The following RYR1 variants were observed in gnomAD, a reference collection of about 807,000 sequenced individuals.
RYR1 encodes the protein central core disease of muscle.
Under a neutral mutation model 583.5 loss-of-function variants are expected in RYR1, and 342 were observed. The ratio of observed to expected loss-of-function variants is 0.59; its 90% CI spans 0.54 to 0.64. The LOEUF (loss-of-function observed/expected upper bound fraction) is 0.64. Among genes scored for constraint, RYR1 ranks in the 30% least tolerant of loss-of-function variants. The probability of loss-of-function intolerance (pLI) is 0.00; values close to 1 mark genes in which losing one functional copy is unlikely to be tolerated. For missense variants in RYR1, 6,032 were observed against 6,917.2 expected (o/e 0.87, Z 4.54); for synonymous variants, 2,791 against 2,822.5 (o/e 0.99, Z 0.35).
intron 34 of RYR1, among the ~76,000 whole-genome samples, chr19:38,486,457 C>T (rs1192695428): frequency 2.0e-5 from 3 of 152,322 alleles, no homozygotes; most frequent in South Asian, 4.1e-4. Flanking sequence ...AATTCTCCTG[C>T]CTCAGCCCCC....
chr19:38,448,981 T>C (rs1405167338), intron 11 of RYR1, among the ~76,000 whole-genome samples, 168 bp downstream of exon 11: 1 of 149,746 alleles, frequency 6.7e-6, no homozygotes, highest in Non-Finnish European at 1.5e-5. Flanking sequence ...ACCTTGGGAG[T>C]TTGAGGATGA....
At chr19:38,455,956 A>G (rs922028894) in intron 16 of RYR1, among the ~76,000 whole-genome samples, 2 of 143,566 alleles carry the variant, frequency 1.4e-5, no homozygotes, top group Non-Finnish European at 3.0e-5. Context: ...GCTTGGTTAG[A>G]TCTCTGAAAT....
intron 31 of RYR1, among the ~76,000 whole-genome samples, chr19:38,481,130 T>G (rs571566446): frequency 2.6e-5 from 4 of 152,262 alleles, no homozygotes; most frequent in East Asian, 3.9e-4. Context: ...ATTTATTTAT[T>G]TATTTTAATT....
At position 38,584,713 on chromosome 19, in the gene RYR1, G is replaced by A. The variant is rs112366639; in HGVS notation, c.14647-230G>A. 5.4e-5 allele frequency among the ~76,000 whole-genome samples: 7 copies of A among 129,462 alleles called. 1 individual carries two copies. The highest frequency in any genetic ancestry group is 1.8e-4 in the African/African-American group (6 of 33,248). 84.9% of individuals were successfully genotyped at this position (129,462 alleles called of 152,430 possible). A position where few individuals can be genotyped will look rare whatever the true frequency, so the allele number is the denominator to read the frequency against. ...TCCTGGCCCTGACCCCTCTGCCTGC[G>A]CCCCACACCCAACCTGGCCCTCACC... On this transcript the variant is annotated intron_variant, in intron 101 of 105. Transcript: ENST00000359596.
At chr19:38,454,463 A>G (rs1467084914) in intron 13 of RYR1, among the ~76,000 whole-genome samples, 1 of 152,224 alleles carries the variant, frequency 6.6e-6, no homozygotes, top group Non-Finnish European at 1.5e-5. Flanking sequence ...TATGTGTTAG[A>G]TAAGCTTAAT....
At position 38,505,520 on chromosome 19, in the gene RYR1, C is replaced by T; in HGVS notation, c.8400+122C>T. The T allele has an allele frequency of 7.4e-6, 6 of 811,464 alleles. No homozygotes were observed. In the South Asian group the frequency reaches 7.5e-5, roughly 10 times the overall value. The allele number at this position is 811,464 out of a possible 1,614,324, so 50.3% of individuals were successfully genotyped here. On this transcript the variant is annotated intron_variant, in intron 53 of 105. Transcript: ENST00000359596. ...AGGTGGATCTGTGGGTTAGGTCTCC[C>T]CATTCATGGACTTTGCCTTCTCTCA...
rs944826130 is a variant in RYR1 at position 38,467,699 on chromosome 19, G to A, written c.3268G>A (p.Glu1090Lys). 3 of 1,614,094 alleles carry A rather than the reference G, an allele frequency of 1.9e-6. No individual in the cohort carries two copies. Among genetic ancestry groups the A allele is most frequent in the East Asian group, 2.2e-5 (1 of 44,906 alleles). ...YTVQSGRWYF[E>K]FEAVTTGEMR... is the part of the protein sequence containing the mutation. ...AGTGCAGAGCGGCCGCTGGTACTTC[G>A]AGTTTGAAGCAGTCACCACAGGCGA... Residue 1090 changes from glutamate (E) to lysine (K), a missense_variant, in exon 25 of 106, where the codon GAG becomes AAG. By Grantham distance (56) the Glu-to-Lys change is moderately conservative. This residue lies in a region of RYR1 where 2,627 missense variants were observed against 2,961.3 expected (regional missense o/e 0.89). Transcript: ENST00000359596.
intron 88 of RYR1, 64 bp from the exon 89 acceptor site, chr19:38,548,169 G>A (rs920284733): frequency 3.2e-6 from 5 of 1,585,600 alleles, no homozygotes; most frequent in Non-Finnish European, 4.3e-6. Flanking sequence ...GGAAAGAGAG[G>A]CAAGCCTGGT....
In RYR1 at chr19:38,513,498, A is replaced by G. The variant is rs578192097; in HGVS notation, c.9472+1015A>G. Among the ~76,000 whole-genome samples, 58 of 152,304 alleles carry G rather than the reference A, an allele frequency of 3.8e-4. 1 individual carries two copies. Among genetic ancestry groups the G allele is most frequent in the Admixed American group, 3.4e-3 (52 of 15,304 alleles). On this transcript the variant is annotated intron_variant, in intron 63 of 105. Transcript: ENST00000359596. ...CCATCTTAAAAAAAAGAAGAAAAGAAAAGTAGCACCTGGATAGGGTTCTTC... is the reference window on the plus strand; with the variant it reads ...CCATCTTAAAAAAAAGAAGAAAAGAGAAGTAGCACCTGGATAGGGTTCTTC...
intron 97 of RYR1, among the ~76,000 whole-genome samples, chr19:38,577,073 A>C (rs1973988800): frequency 1.3e-5 from 2 of 151,904 alleles, no homozygotes; most frequent in Admixed American, 1.3e-4. Flanking sequence ...TTTAGTAGAG[A>C]CGGGGTTTCG....
chr19:38,451,489 T>G (rs771613796), intron 11 of RYR1, among the ~76,000 whole-genome samples: 1 of 149,980 alleles, frequency 6.7e-6, no homozygotes, highest in Non-Finnish European at 1.5e-5. Flanking sequence ...GATAGAGAGA[T>G]AGAGAGGGAG....
chr19:38,502,970 G>A lies in RYR1; in HGVS notation c.7926G>A (p.Lys2642=). The change falls in exon 49 of 106, where the codon AAG becomes AAA. Residue 2642 remains lysine, a splice_region_variant and synonymous_variant. Transcript: ENST00000359596. The part of the protein sequence containing the change: ...ILNEFAKMPL[K]LLTNHYERCW... ...ACGAGTTCGCCAAGATGCCACTCAA[G>A]GTGAGGGCAAGCGCTCTTTAGCATC... The A allele has an allele frequency of 6.2e-7, 1 of 1,608,412 alleles. No homozygotes were observed. The highest frequency in any genetic ancestry group is 1.7e-4 in the Middle Eastern group (1 of 6,060).
chr19:38,525,679 A>G (rs958657249), intron 71 of RYR1, among the ~76,000 whole-genome samples, 177 bp downstream of exon 71: 3 of 151,760 alleles, frequency 2.0e-5, no homozygotes, highest in Admixed American at 1.3e-4. Context: ...TGCCCCTGGG[A>G]TGCCCTGAGG....
At chr19:38,510,163 A>G (rs756131142) in intron 58 of RYR1, among the ~76,000 whole-genome samples, 1 of 152,154 alleles carries the variant, frequency 6.6e-6, no homozygotes, top group Non-Finnish European at 1.5e-5. Context: ...TGTACTAAAA[A>G]TACAAAAATT....
At chr19:38,474,268 T>A (rs1968594070) in intron 28 of RYR1, among the ~76,000 whole-genome samples, 3 of 151,832 alleles carry the variant, frequency 2.0e-5, no homozygotes, top group South Asian at 2.1e-4. Flanking sequence ...CTTTTTTTCT[T>A]TCTATCTTTT....
At position 38,540,384 on chromosome 19, in the gene RYR1, A is replaced by G. The variant is rs1600977825; in HGVS notation, c.11689+2424A>G. 2.1e-5 allele frequency among the ~76,000 whole-genome samples: 3 copies of G among 144,674 alleles called. 1 individual carries two copies. In the Admixed American group the frequency reaches 2.1e-4, roughly 10 times the overall value. The allele number at this position is 144,674 out of a possible 152,430, so 94.9% of individuals were successfully genotyped here. A position where few individuals can be genotyped will look rare whatever the true frequency, so the allele number is the denominator to read the frequency against. ...TATACTACAGTATAATAAACCTCCA[A>G]TCATATACTACAGTATAATAAACCT... On this transcript the variant is annotated intron_variant, in intron 84 of 105. Coordinates refer to ENST00000359596, the MANE Select transcript of RYR1 (RefSeq NM_000540.3).
chr19:38,543,545 A>G lies in RYR1; in HGVS notation c.11792A>G (p.Asp3931Gly). ...CGCCCCCACCAGGAATCCATCAGCG[A>G]CTTCTACTGGTACTACTCGGGCAAG... Reference protein sequence around the residue: ...YLLRLQESISDFYWYYSGKDV... With the variant: ...YLLRLQESISGFYWYYSGKDV... The change falls in exon 86 of 106, where the codon GAC becomes GGC. Residue 3931 changes from aspartate (D) to glycine (G), a missense_variant. By Grantham distance (94) the Asp-to-Gly change is moderately conservative (BLOSUM62 -1). This residue lies in a region of RYR1 where 1,493 missense variants were observed against 1,715.5 expected (regional missense o/e 0.87). Coordinates refer to ENST00000359596, the MANE Select transcript of RYR1 (RefSeq NM_000540.3). The surrounding 1 kb of genome is among the most constrained non-coding windows in gnomAD (Gnocchi z 4.4). The G allele has an allele frequency of 6.2e-7, 1 of 1,613,484 alleles. No homozygotes were observed. The highest frequency in any genetic ancestry group is 1.1e-5 in the South Asian group (1 of 91,072).
Position 38,437,058 on chromosome 19 carries a change from CT to C in RYR1, c.45+3194del, listed in dbSNP as rs58434226. ...CTTCCTTCATTTTTTTTTTCTTTTT[CT>C]TTTTTTTTTAAGATGGAGTCTTCCT... On this transcript the variant is annotated intron_variant, in intron 1 of 105. Coordinates refer to ENST00000359596, the MANE Select transcript of RYR1 (RefSeq NM_000540.3). 8.9e-5 allele frequency among the ~76,000 whole-genome samples: 13 copies of C among 145,714 alleles called. No individual in the cohort carries two copies. The South Asian group carries it at 1.7e-3, about 20-fold the overall frequency.
Position 38,565,177 on chromosome 19 carries a change from G to T in RYR1, c.12843G>T (p.Gly4281=). Residue 4281 remains glycine, a synonymous_variant, in exon 91 of 106, where the codon GGG becomes GGT. Transcript: ENST00000359596. The surrounding 1 kb of genome is among the most constrained non-coding windows in gnomAD (Gnocchi z 4.7). The part of the protein sequence containing the change: ...GAEGAEEGAA[G]LEGTAATAAA... ...AAGGCGCGGAGGAGGGCGCGGCGGG[G>T]CTCGAGGGCACGGCGGCCACGGCGG... 2 of 1,194,320 alleles carry T rather than the reference G, an allele frequency of 1.7e-6. No individual in the cohort carries two copies. The highest frequency in any genetic ancestry group is 2.1e-6 in the Non-Finnish European group (2 of 961,526). 74.0% of individuals were successfully genotyped at this position (1,194,320 alleles called of 1,614,324 possible). A position where few individuals can be genotyped will look rare whatever the true frequency, so the allele number is the denominator to read the frequency against.
Sources: gnomAD v4.1 joint callset for allele counts (sites outside exome capture counted in the v4.1 genomes callset) on GRCh38, gnomAD v4.1.1 for gene constraint, gnomAD v4.1.1 regional missense constraint, Gnocchi (gnomAD v3.1) non-coding constraint, MANE v1.5 for transcripts, NCBI Gene and HGNC (gene_info 2026-07-23, HGNC 2026-07-21) for gene names.